The following REEP1 variants were observed in gnomAD, a reference collection of about 807,000 sequenced individuals.
REEP1 encodes the protein receptor accessory protein 1.
In REEP1, 22 loss-of-function variants were observed where a neutral mutation model predicts 40.3. The observed-to-expected ratio is 0.55, with a 90% CI of 0.39 to 0.78. REEP1 has a LOEUF of 0.78. REEP1 is among the 30% of genes least tolerant of loss of function. The pLI is 0.00. For missense variants in REEP1, 280 were observed against 361.1 expected (o/e 0.78, Z 1.82); for synonymous variants, 116 against 139.2 (o/e 0.83, Z 1.17).
chr2:86,336,113 C>G (rs1203289347), intron 1 of REEP1, among the ~76,000 whole-genome samples: 2 of 152,188 alleles, frequency 1.3e-5, no homozygotes, highest in African/African-American at 4.8e-5. Flanking sequence ...CAGTGTTGGT[C>G]AGGCATGAGG....
At chr2:86,289,570 C>T (rs1461569751) in intron 1 of REEP1, among the ~76,000 whole-genome samples, 1 of 152,158 alleles carries the variant, frequency 6.6e-6, no homozygotes, top group Non-Finnish European at 1.5e-5. Flanking sequence ...TCAAGTCCCA[C>T]ATAAAACCTT....
Position 86,215,023 on chromosome 2 carries a change from C to CTTTTTTTTTTTTTTTTTT in REEP1, c.*1998_*2015dup, listed in dbSNP as rs11350708. 3.4e-5 allele frequency: 2 copies of CTTTTTTTTTTTTTTTTTT among 59,560 alleles called. No individual in the cohort carries two copies. The highest frequency in any genetic ancestry group is 6.6e-5 in the African/African-American group (1 of 15,106). The allele number at this position is 59,560 out of a possible 1,614,324, so 3.7% of individuals were successfully genotyped here. A position where few individuals can be genotyped will look rare whatever the true frequency, so the allele number is the denominator to read the frequency against. ...AAAAATTGCTAAGAAGCTGTGTAAGCTTTTTTTTTTTTTTTTTTTTTTTGC... is the reference window on the plus strand; with the variant it reads ...AAAAATTGCTAAGAAGCTGTGTAAGCTTTTTTTTTTTTTTTTTTTTTTTTTTTTTTTTTTTTTTTTTGC... On this transcript the variant is annotated 3_prime_UTR_variant, in exon 9 of 9. Coordinates refer to ENST00000538924, the MANE Select transcript of REEP1 (RefSeq NM_001371279.1).
chr2:86,238,348 C>G (rs952153566), intron 5 of REEP1, among the ~76,000 whole-genome samples: 1 of 152,352 alleles, frequency 6.6e-6, no homozygotes, highest in East Asian at 1.9e-4. Flanking sequence ...CTCAGAGCAG[C>G]TTTCTCTACT....
chr2:86,325,905 G>C lies in REEP1; in HGVS notation c.32+11574C>G, dbSNP rs1680478739. Among the ~76,000 whole-genome samples, 3 of 152,312 alleles carry C rather than the reference G, an allele frequency of 2.0e-5. No individual in the cohort carries two copies. The South Asian group carries it at 6.2e-4, about 32-fold the overall frequency. On this transcript the variant is annotated intron_variant, in intron 1 of 8. Coordinates refer to ENST00000538924, the MANE Select transcript of REEP1 (RefSeq NM_001371279.1). ...TGACTTCACCCACCTCTTCGTCTCA[G>C]ATTGTTTCCCACTTAGCACACCCTG...
chr2:86,246,691 C>CT (rs909527695), intron 5 of REEP1, among the ~76,000 whole-genome samples: 2 of 120,790 alleles, frequency 1.7e-5, no homozygotes, highest in Admixed American at 1.0e-4. Flanking sequence ...TTCTCTCTTT[C>CT]TTTTTTTTTC....
chr2:86,324,140 GAA>G (rs144147803), intron 1 of REEP1, among the ~76,000 whole-genome samples: 4,106 of 146,652 alleles, frequency 0.028, 96 homozygotes, highest in Non-Finnish European at 0.039. Flanking sequence ...AACTATAAAC[GAA>G]AAAAAAAATG....
chr2:86,337,632 C>G, upstream of REEP1: 1 of 1,085,372 alleles, frequency 9.2e-7, no homozygotes, highest in South Asian at 4.4e-5. The surrounding 1 kb of genome is among the most constrained non-coding windows in gnomAD (Gnocchi z 5.8). Flanking sequence ...AGACTGAGCG[C>G]GCCCGCCGCC....
At chr2:86,317,019 G>A (rs1001186524) in intron 1 of REEP1, among the ~76,000 whole-genome samples, 5 of 152,172 alleles carry the variant, frequency 3.3e-5, no homozygotes, top group Non-Finnish European at 7.3e-5. Context: ...CCAATTGTGA[G>A]ACAGTCTGAC....
intron 3 of REEP1, among the ~76,000 whole-genome samples, chr2:86,262,099 A>G (rs1350650928): frequency 6.6e-6 from 1 of 152,222 alleles, no homozygotes; most frequent in African/African-American, 2.4e-5. Flanking sequence ...ATCAATAAAT[A>G]CTAAGGGAAC....
chr2:86,250,286 T>C (rs974340636), intron 5 of REEP1, among the ~76,000 whole-genome samples: 2 of 152,222 alleles, frequency 1.3e-5, no homozygotes, highest in Admixed American at 6.5e-5. Context: ...ACTCCAGGAA[T>C]GAATGGAGGA....
At chr2:86,252,694 A>G (rs578016230) in intron 4 of REEP1, among the ~76,000 whole-genome samples, 1 of 152,342 alleles carries the variant, frequency 6.6e-6, no homozygotes, top group East Asian at 1.9e-4. Context: ...TAGTTATTTA[A>G]TTCTAAAATC....
At chr2:86,327,813 C>T (rs943979618) in intron 1 of REEP1, among the ~76,000 whole-genome samples, 1 of 152,064 alleles carries the variant, frequency 6.6e-6, no homozygotes, top group Admixed American at 6.6e-5. Context: ...ATGATCTGCC[C>T]GCCTCGGCCT....
chr2:86,216,864 G>A lies in REEP1; in HGVS notation c.*175C>T. On this transcript the variant is annotated 3_prime_UTR_variant, in exon 9 of 9. Transcript: ENST00000538924. ...TTTAGCCTCTCCCCAGCAAAATAAAGAAAAGGGGGAAAAAAATAAATCCTT... is the reference window on the plus strand; with the variant it reads ...TTTAGCCTCTCCCCAGCAAAATAAAAAAAAGGGGGAAAAAAATAAATCCTT... 3.5e-6 allele frequency: 2 copies of A among 564,218 alleles called. No homozygotes were observed. Among genetic ancestry groups the A allele is most frequent in the Non-Finnish European group, 6.3e-6 (2 of 316,144 alleles). 35.0% of individuals were successfully genotyped at this position (564,218 alleles called of 1,614,324 possible). A position where few individuals can be genotyped will look rare whatever the true frequency, so the allele number is the denominator to read the frequency against.
intron 5 of REEP1, among the ~76,000 whole-genome samples, chr2:86,247,669 C>G (rs995631989): frequency 1.3e-5 from 2 of 152,046 alleles, no homozygotes; most frequent in Admixed American, 6.6e-5. Flanking sequence ...CTCCCGGGTT[C>G]AAGTGATTCT....
chr2:86,238,213 A>C (rs1675467834), intron 5 of REEP1, among the ~76,000 whole-genome samples: 1 of 152,220 alleles, frequency 6.6e-6, no homozygotes, highest in Non-Finnish European at 1.5e-5. Flanking sequence ...ATAAATAAAC[A>C]TTCTAAGTGA....
At chr2:86,315,990 A>G (rs1042367689) in intron 1 of REEP1, among the ~76,000 whole-genome samples, 1 of 152,126 alleles carries the variant, frequency 6.6e-6, no homozygotes, top group Non-Finnish European at 1.5e-5. Flanking sequence ...TGCTGGACAC[A>G]CAAGAGGGCT....
At chr2:86,327,266 G>A (rs890965503) in intron 1 of REEP1, among the ~76,000 whole-genome samples, 11 of 151,868 alleles carry the variant, frequency 7.2e-5, no homozygotes, top group African/African-American at 2.2e-4. Context: ...TGCTTTATTT[G>A]TTTTTTCATT....
intron 5 of REEP1, among the ~76,000 whole-genome samples, chr2:86,235,987 C>T (rs562851537): frequency 1.3e-5 from 2 of 152,154 alleles, no homozygotes; most frequent in South Asian, 4.1e-4. Flanking sequence ...GAGGCCGAGG[C>T]AGGTGGATCA....
At chr2:86,232,865 G>A (rs2104055726) in intron 5 of REEP1, 63 bp from the exon 6 acceptor site, 1 of 1,507,318 alleles carries the variant, frequency 6.6e-7, no homozygotes, top group Non-Finnish European at 9.0e-7. Flanking sequence ...ACTCGACAAA[G>A]GCCAAGAGGG....
Sources: gnomAD v4.1 joint callset for allele counts (sites outside exome capture counted in the v4.1 genomes callset) on GRCh38, gnomAD v4.1.1 for gene constraint, Gnocchi (gnomAD v3.1) non-coding constraint, MANE v1.5 for transcripts, NCBI Gene and HGNC (gene_info 2026-07-23, HGNC 2026-07-21) for gene names.